Variants in ARFGEF3 observed in about 807,000 individuals in gnomAD.
ARFGEF3 encodes ARFGEF family member 3.
Under a neutral mutation model 221.7 loss-of-function variants are expected in ARFGEF3, and 96 were observed. The ratio of observed to expected loss-of-function variants is 0.43; its 90% confidence interval spans 0.37 to 0.51. The LOEUF (loss-of-function observed/expected upper bound fraction) is 0.51. Ranked by LOEUF, ARFGEF3 falls within the 20% of genes least tolerant of loss-of-function variation. The pLI is 0.00. For synonymous variants in ARFGEF3, 1,145 were observed against 1,126.8 expected (o/e 1.02, Z -0.32); for missense variants, 2,410 against 2,789.9 (o/e 0.86, Z 3.07).
intron 2 of ARFGEF3, among the ~76,000 whole-genome samples, chr6:138,195,640 TCA>T (rs1050260591): frequency 1.3e-5 from 2 of 152,246 alleles, no homozygotes; most frequent in African/African-American, 4.8e-5. Flanking sequence ...TTGTTTAACC[TCA>T]GTTACATTAT....
intron 22 of ARFGEF3, among the ~76,000 whole-genome samples, chr6:138,303,315 G>C (rs1178651610): frequency 6.6e-6 from 1 of 152,126 alleles, no homozygotes; most frequent in East Asian, 1.9e-4. Context: ...GGTAGTAAAA[G>C]AGGAACAGAG....
intron 4 of ARFGEF3, among the ~76,000 whole-genome samples, chr6:138,210,736 A>G (rs970880806): frequency 6.6e-6 from 1 of 152,162 alleles, no homozygotes. Context: ...AAAGCTTTTA[A>G]TAATGTATTC....
At position 138,289,890 on chromosome 6, in the gene ARFGEF3, T is replaced by C; in HGVS notation, c.2969T>C (p.Val990Ala). The change falls in exon 18 of 34, where the codon GTC becomes GCC. Residue 990 changes from valine (V) to alanine (A), a missense_variant. By Grantham distance (64) the Val-to-Ala change is moderately conservative. Transcript: ENST00000251691. ...VQGVWLHTAH[V>A]LCMEAILSVG... ...GGGGTGTGGCTGCACACTGCCCACG[T>C]CTTGTGCATGGAGGCCATCCTCAGC... 1 of 1,613,916 alleles carries C rather than the reference T, an allele frequency of 6.2e-7. No homozygotes were observed. The highest frequency in any genetic ancestry group is 8.5e-7 in the Non-Finnish European group (1 of 1,179,844).
intron 10 of ARFGEF3, among the ~76,000 whole-genome samples, chr6:138,256,850 T>TC (rs1562369695): frequency 6.6e-6 from 1 of 152,056 alleles, no homozygotes; most frequent in Non-Finnish European, 1.5e-5. Context: ...AGTGGCACAA[T>TC]CATGGCTCAA....
rs370533689 is a variant in ARFGEF3 at position 138,334,369 on chromosome 6, T to G, written c.5523T>G (p.Leu1841=). 7 of 1,613,470 alleles carry G rather than the reference T, an allele frequency of 4.3e-6. No individual in the cohort carries two copies. Among genetic ancestry groups the G allele is most frequent in the Non-Finnish European group, 5.9e-6 (7 of 1,179,806 alleles). Residue 1841 remains leucine, a synonymous_variant, in exon 33 of 34, where the codon CTT becomes CTG. Transcript: ENST00000251691. The surrounding 1 kb of genome is among the most constrained non-coding windows in gnomAD (Gnocchi z 5.1). ...TITAEQVKKV[L]FEDDERSTDS... ...CGGCCGAGCAAGTGAAGAAGGTCCT[T>G]TTTGAGGACGACGAGAGAAGCACGG...
At chr6:138,316,610 T>C (rs2114673359) in intron 26 of ARFGEF3, among the ~76,000 whole-genome samples, 1 of 152,340 alleles carries the variant, frequency 6.6e-6, no homozygotes, top group South Asian at 2.1e-4. Context: ...ATTTCATCTG[T>C]AGATGTTTCA....
At chr6:138,325,873 T>C (rs1340375011) in intron 31 of ARFGEF3, among the ~76,000 whole-genome samples, 1 of 152,206 alleles carries the variant, frequency 6.6e-6, no homozygotes, top group African/African-American at 2.4e-5. Context: ...TTGTTTTTTC[T>C]TTTTTGAGAC....
At position 138,323,703 on chromosome 6, in the gene ARFGEF3, C is replaced by T. The variant is rs1201908323; in HGVS notation, c.4799C>T (p.Thr1600Ile). 1 of 1,613,954 alleles carries T rather than the reference C, an allele frequency of 6.2e-7. No individual in the cohort carries two copies. Residue 1600 changes from threonine to isoleucine, a missense_variant, in exon 30 of 34, where the codon ACT (threonine) becomes ATT (isoleucine). By Grantham distance (89) the Thr-to-Ile change is moderately conservative (BLOSUM62 -1). Around this residue, in one of 5 missense-constraint regions of ARFGEF3, gnomAD observed 723 missense variants for 991.9 expected, o/e 0.73. Coordinates refer to ENST00000251691, the MANE Select transcript of ARFGEF3 (RefSeq NM_020340.5). The stretch of plus-strand genomic sequence containing the variant: ...CTTGTGACAGCGGGCCCTGTGTTCA[C>T]TGAGGAGATGTGGAGGCTTGCCTGC... Reference protein sequence around the residue: ...YVLVTAGPVFTEEMWRLACCA... With the variant: ...YVLVTAGPVFIEEMWRLACCA...
intron 12 of ARFGEF3, among the ~76,000 whole-genome samples, chr6:138,274,976 A>G (rs926850213): frequency 2.6e-5 from 3 of 116,144 alleles, no homozygotes; most frequent in Admixed American, 2.6e-4. Context: ...GTGCGGTGGC[A>G]CATGCCTGTA....
At position 138,283,535 on chromosome 6, in the gene ARFGEF3, A is replaced by G. The variant is rs1014818626; in HGVS notation, c.2462-2411A>G. ...TCTAAATTCCAGGTATGAAGTGACA[A>G]GTGAATCAGAGCAGCAGTTAACCTA... is the stretch of plus-strand genomic sequence containing the variant. On this transcript the variant is annotated intron_variant, in intron 14 of 33. Coordinates refer to ENST00000251691, the MANE Select transcript of ARFGEF3 (RefSeq NM_020340.5). Among the ~76,000 whole-genome samples the G allele has an allele frequency of 2.0e-5, 3 of 152,248 alleles. No homozygotes were observed. In the East Asian group the frequency reaches 5.8e-4, roughly 29 times the overall value.
chr6:138,192,174 G>A (rs145455460), intron 2 of ARFGEF3, among the ~76,000 whole-genome samples: 2 of 152,246 alleles, frequency 1.3e-5, no homozygotes, highest in East Asian at 1.9e-4. Flanking sequence ...TGCTCTGTCT[G>A]TGTTGAGCCT....
At chr6:138,234,090 T>G (rs972523064) in intron 5 of ARFGEF3, among the ~76,000 whole-genome samples, 7 of 152,190 alleles carry the variant, frequency 4.6e-5, no homozygotes, top group Non-Finnish European at 8.8e-5. Flanking sequence ...TGGCAAGGAA[T>G]TTCCATACCT....
chr6:138,278,710 G>A, intron 13 of ARFGEF3, 93 bp downstream of exon 13: 1 of 1,394,590 alleles, frequency 7.2e-7, no homozygotes, highest in Non-Finnish European at 9.8e-7. Context: ...GGATGGCACA[G>A]CGTGTTTTGT....
intron 2 of ARFGEF3, among the ~76,000 whole-genome samples, chr6:138,201,258 T>G (rs1583007871): frequency 6.6e-6 from 1 of 152,206 alleles, no homozygotes; most frequent in Non-Finnish European, 1.5e-5. Context: ...GAAAACAGTG[T>G]GGATATTCCT....
At chr6:138,193,339 C>G (rs1562348473) in intron 2 of ARFGEF3, among the ~76,000 whole-genome samples, 1 of 152,218 alleles carries the variant, frequency 6.6e-6, no homozygotes, top group South Asian at 2.1e-4. Context: ...CTCTCCCACT[C>G]TCATTATACT....
In ARFGEF3 at chr6:138,317,565, T is replaced by C. The variant is rs193186287; in HGVS notation, c.4474+186T>C. On this transcript the variant is annotated intron_variant, in intron 27 of 33. Coordinates refer to ENST00000251691, the MANE Select transcript of ARFGEF3 (RefSeq NM_020340.5). Reference sequence around the variant, plus strand: ...TGCTTAAGGTATGGCCTGTGTATTGTTTACATGTCTTCCTAGAAGTCTGGT... The same window carrying C: ...TGCTTAAGGTATGGCCTGTGTATTGCTTACATGTCTTCCTAGAAGTCTGGT... Among the ~76,000 whole-genome samples the C allele has an allele frequency of 1.4e-4, 22 of 152,362 alleles. No individual in the cohort carries two copies. In the East Asian group the frequency reaches 3.7e-3, roughly 25 times the overall value.
chr6:138,336,169 G>A lies in ARFGEF3; in HGVS notation c.6343-126G>A, dbSNP rs889223588. ...AATTTATTATAGGCATATTAAATGA[G>A]TGAAAACTAATTTATTGCAACTAAA... On this transcript the variant is annotated intron_variant, in intron 33 of 33. Coordinates refer to ENST00000251691, the MANE Select transcript of ARFGEF3 (RefSeq NM_020340.5). 6 of 657,856 alleles carry A rather than the reference G, an allele frequency of 9.1e-6. No homozygotes were observed. The East Asian group carries it at 1.2e-4, about 13-fold the overall frequency. The allele number at this position is 657,856 out of a possible 1,614,324, so 40.8% of individuals were successfully genotyped here.
In ARFGEF3 at chr6:138,317,393, T is replaced by A. The variant is rs745384695; in HGVS notation, c.4474+14T>A. ...CGAAAACACCAGGTAAATATTTCTG[T>A]GTCCGTCTTTTGGGGGAGTGGTTAT... is the stretch of plus-strand genomic sequence containing the variant. On this transcript the variant is annotated intron_variant, in intron 27 of 33. Transcript: ENST00000251691. 1.1e-5 allele frequency: 18 copies of A among 1,613,690 alleles called. No homozygotes were observed. Among genetic ancestry groups the A allele is most frequent in the Non-Finnish European group, 1.5e-5 (18 of 1,179,832 alleles).
chr6:138,273,429 G>T (rs1054366544), intron 12 of ARFGEF3, among the ~76,000 whole-genome samples: 1 of 152,164 alleles, frequency 6.6e-6, no homozygotes, highest in African/African-American at 2.4e-5. Flanking sequence ...GAGAGAGAAT[G>T]AACTTTAGTT....
Sources: allele counts gnomAD v4.1 joint callset (sites outside exome capture counted in the v4.1 genomes callset), GRCh38; gene constraint gnomAD v4.1.1; regional missense constraint gnomAD v4.1.1; non-coding constraint Gnocchi (gnomAD v3.1); transcripts MANE v1.5; gene names NCBI Gene and HGNC (gene_info 2026-07-23, HGNC 2026-07-21).